Variants in SLC4A4 observed in about 807,000 individuals in gnomAD.
The protein encoded by SLC4A4 is electrogenic sodium bicarbonate cotransporter 1.
Under a neutral mutation model 111.5 loss-of-function variants are expected in SLC4A4, and 27 were observed. That is an observed-to-expected ratio of 0.24 (90% confidence interval 0.18 to 0.33). The LOEUF is 0.33. Ranked by LOEUF, SLC4A4 falls within the 10% of genes least tolerant of loss-of-function variation. The pLI, the probability that SLC4A4 is intolerant of heterozygous loss-of-function variation, is 1.00. For synonymous variants in SLC4A4, 443 were observed against 463.4 expected, an observed-to-expected ratio of 0.96 and a Z score of 0.57; for missense variants, 909 against 1,315.5, an observed-to-expected ratio of 0.69 and a Z score of 4.78.
Position 71,426,065 on chromosome 4 carries a change from A to C in SLC4A4, c.808-14551A>C, listed in dbSNP as rs983040443. ...AGGGTAAAATACTTCAGTTTCTTTC[A>C]GGGCCTTCTATGTGCCATATGATGC... On this transcript the variant is annotated intron_variant, in intron 7 of 25. Transcript: ENST00000264485. Among the ~76,000 whole-genome samples, 10 of 152,098 alleles carry C rather than the reference A, an allele frequency of 6.6e-5. No individual in the cohort carries two copies. The South Asian group carries it at 2.1e-3, about 32-fold the overall frequency.
intron 7 of SLC4A4, among the ~76,000 whole-genome samples, chr4:71,400,164 T>G (rs1334248011): frequency 6.6e-6 from 1 of 152,164 alleles, no homozygotes; most frequent in Non-Finnish European, 1.5e-5. Flanking sequence ...TAAGGGCAGC[T>G]CTCCTTTTGC....
chr4:71,311,776 T>C (rs532196768), intron 3 of SLC4A4, among the ~76,000 whole-genome samples: 5 of 151,898 alleles, frequency 3.3e-5, no homozygotes, highest in African/African-American at 9.7e-5. Context: ...TTAAAAGAAC[T>C]AGAGAAGCGA....
intron 7 of SLC4A4, among the ~76,000 whole-genome samples, chr4:71,424,253 C>A (rs1722863059): frequency 6.6e-6 from 1 of 152,124 alleles, no homozygotes; most frequent in African/African-American, 2.4e-5. Context: ...CTCACCATCA[C>A]TGGCCATCAG....
chr4:71,355,451 G>A (rs1276781425), intron 5 of SLC4A4, among the ~76,000 whole-genome samples: 1 of 152,188 alleles, frequency 6.6e-6, no homozygotes, highest in Admixed American at 6.5e-5. Context: ...TGATAGTTTT[G>A]CTGAGTGGGG....
At chr4:71,099,966 C>T (rs1370960707) in intron 2 of SLC4A4, among the ~76,000 whole-genome samples, 2 of 152,054 alleles carry the variant, frequency 1.3e-5, no homozygotes, top group Admixed American at 1.3e-4. Flanking sequence ...AATAAGTAGG[C>T]TACCAACCAA....
At chr4:71,457,852 C>T (rs1186401260) in intron 12 of SLC4A4, among the ~76,000 whole-genome samples, 2 of 152,044 alleles carry the variant, frequency 1.3e-5, no homozygotes, top group African/African-American at 2.4e-5. Flanking sequence ...ATCTCTTTTA[C>T]AAAATGGAGT....
intron 14 of SLC4A4, chr4:71,473,274 G>A (rs1728056016): frequency 3.3e-6 from 2 of 600,322 alleles, no homozygotes; most frequent in Admixed American, 2.9e-5. Context: ...TTATAAGTGG[G>A]GAAACCTGGA....
chr4:71,324,224 A>C (rs1188607528), intron 3 of SLC4A4, among the ~76,000 whole-genome samples: 3 of 151,994 alleles, frequency 2.0e-5, no homozygotes, highest in African/African-American at 7.2e-5. Context: ...AAATGGTATC[A>C]TGGAAGGTGA....
At chr4:71,238,182 G>A (rs901663381) in intron 2 of SLC4A4, among the ~76,000 whole-genome samples, 1 of 152,212 alleles carries the variant, frequency 6.6e-6, no homozygotes, top group Non-Finnish European at 1.5e-5. Flanking sequence ...CATATACTGT[G>A]TGCGTGTGTT....
chr4:71,466,408 G>A (rs1259722691), intron 12 of SLC4A4, 36 bp from the exon 13 acceptor site: 3 of 1,612,188 alleles, frequency 1.9e-6, no homozygotes, highest in Non-Finnish European at 2.5e-6. Flanking sequence ...GAAAAAAGAT[G>A]TGTTTCATTT....
chr4:71,379,952 T>C (rs1006543165), intron 6 of SLC4A4, among the ~76,000 whole-genome samples: 1 of 152,110 alleles, frequency 6.6e-6, no homozygotes, highest in Admixed American at 6.5e-5. Context: ...GGGTCTAACA[T>C]AGGGCCTGAT....
chr4:71,084,061 TGAG>T (rs1287556417), intron 1 of SLC4A4, among the ~76,000 whole-genome samples: 1 of 151,746 alleles, frequency 6.6e-6, no homozygotes, highest in Non-Finnish European at 1.5e-5. Context: ...CAAAAAGGGA[TGAG>T]GAGGGACTAG....
intron 2 of SLC4A4, among the ~76,000 whole-genome samples, chr4:71,143,138 C>T (rs1462302198): frequency 6.6e-6 from 1 of 152,138 alleles, no homozygotes; most frequent in Non-Finnish European, 1.5e-5. Context: ...GTGATGTTCC[C>T]CTTCCTGTGT....
At chr4:71,194,817 A>G (rs536823648) in intron 1 of SLC4A4, among the ~76,000 whole-genome samples, 2 of 152,346 alleles carry the variant, frequency 1.3e-5, no homozygotes, top group African/African-American at 4.8e-5. Context: ...ACATTCAAGG[A>G]TGAAGAATAG....
chr4:71,444,680 G>T (rs1052281814), intron 8 of SLC4A4, among the ~76,000 whole-genome samples: 2 of 152,154 alleles, frequency 1.3e-5, no homozygotes, highest in Admixed American at 6.5e-5. Flanking sequence ...AACAGCTTTC[G>T]CTTCTTTGAA....
At chr4:71,481,024 G>A (rs1728829668) in intron 14 of SLC4A4, among the ~76,000 whole-genome samples, 1 of 151,690 alleles carries the variant, frequency 6.6e-6, no homozygotes. Context: ...TCTATCCTGT[G>A]TTTACAATTT....
At chr4:71,129,912 A>G (rs1244475235) in intron 2 of SLC4A4, among the ~76,000 whole-genome samples, 3 of 152,096 alleles carry the variant, frequency 2.0e-5, no homozygotes, top group Non-Finnish European at 4.4e-5. Flanking sequence ...GTTCTCACTT[A>G]TAAGTAGGAG....
At chr4:71,562,683 G>A (rs1004339523) in intron 23 of SLC4A4, among the ~76,000 whole-genome samples, 22 of 151,638 alleles carry the variant, frequency 1.5e-4, no homozygotes, top group African/African-American at 3.4e-4. Context: ...ACAGCACACC[G>A]ATGGGTCTTG....
chr4:71,084,589 G>T (rs1202216246), intron 1 of SLC4A4, among the ~76,000 whole-genome samples: 2 of 151,822 alleles, frequency 1.3e-5, no homozygotes, highest in African/African-American at 4.9e-5. Context: ...GGTGTGTGAT[G>T]TTCCCCTTCC....
Sources: gnomAD v4.1 joint callset for allele counts (sites outside exome capture counted in the v4.1 genomes callset) on GRCh38, gnomAD v4.1.1 for gene constraint, MANE v1.5 for transcripts, NCBI Gene and HGNC (gene_info 2026-07-23, HGNC 2026-07-21) for gene names.